AJAP1: variants seen among roughly 807,000 people sequenced by gnomAD.
AJAP1 encodes the protein adherens junction-associated protein 1.
A neutral mutation model predicts 35.0 loss-of-function variants in AJAP1; 5 were observed. The observed-to-expected ratio is 0.14, with a 90% CI of 0.07 to 0.30. AJAP1 has a LOEUF of 0.30. Among genes scored for constraint, AJAP1 ranks in the 10% least tolerant of loss-of-function variants. AJAP1 has a pLI of 1.00. For synonymous variants in AJAP1, 284 were observed against 249.3 expected, an observed-to-expected ratio of 1.14 and a Z score of -1.31; for missense variants, 586 against 571.0, an observed-to-expected ratio of 1.03 and a Z score of -0.27.
At chr1:4,666,699 CGGG>C (rs1179414125) in intron 1 of AJAP1, among the ~76,000 whole-genome samples, 1 of 54,636 alleles carries the variant, frequency 1.8e-5, no homozygotes, top group African/African-American at 8.7e-5. Flanking sequence ...CCAAGAATCG[CGGG>C]AGGGGTGCGG....
chr1:4,676,485 G>A (rs1639366189), intron 1 of AJAP1, among the ~76,000 whole-genome samples: 1 of 152,168 alleles, frequency 6.6e-6, no homozygotes, highest in South Asian at 2.1e-4. Context: ...GAAGCCACCT[G>A]CATTACCCCT....
intron 2 of AJAP1, among the ~76,000 whole-genome samples, chr1:4,713,334 G>A (rs1326167522): frequency 6.6e-6 from 1 of 152,238 alleles, no homozygotes; most frequent in Non-Finnish European, 1.5e-5. Context: ...CTGGGGATGT[G>A]TCAGGAGGGT....
intron 1 of AJAP1, among the ~76,000 whole-genome samples, chr1:4,667,555 A>G (rs951394578): frequency 3.3e-5 from 5 of 152,344 alleles, no homozygotes; most frequent in Non-Finnish European, 2.9e-5. Context: ...TAGATCCCTC[A>G]CATACATGGT....
At chr1:4,727,967 T>C (rs976685772) in intron 2 of AJAP1, among the ~76,000 whole-genome samples, 2 of 152,196 alleles carry the variant, frequency 1.3e-5, no homozygotes, top group African/African-American at 4.8e-5. Flanking sequence ...CCCCAGGTGG[T>C]ACACGGAGCC....
chr1:4,691,666 C>T (rs1033646721), intron 1 of AJAP1, among the ~76,000 whole-genome samples: 28 of 152,112 alleles, frequency 1.8e-4, no homozygotes, highest in African/African-American at 1.4e-4. Context: ...GCGACCCACC[C>T]GCTGACTCCA....
intron 2 of AJAP1, among the ~76,000 whole-genome samples, chr1:4,747,221 G>T (rs900669319): frequency 3.3e-5 from 5 of 152,148 alleles, no homozygotes; most frequent in Non-Finnish European, 2.9e-5. Flanking sequence ...CTCCAGGAGG[G>T]CTCTGTGCAT....
intron 1 of AJAP1, among the ~76,000 whole-genome samples, chr1:4,701,364 G>A (rs542863203): frequency 9.2e-5 from 14 of 152,324 alleles, no homozygotes; most frequent in South Asian, 2.1e-4. Flanking sequence ...CGCAGCTGGC[G>A]GGTTGCAGTG....
intron 1 of AJAP1, among the ~76,000 whole-genome samples, chr1:4,684,355 C>T (rs1639553731): frequency 6.6e-6 from 1 of 152,128 alleles, no homozygotes; most frequent in South Asian, 2.1e-4. Context: ...CACCTCCTGC[C>T]TGGGTCTAGG....
rs1570239975 is a variant in AJAP1, at chr1:4,784,642, C to G, written c.*2157C>G. On this transcript the variant is annotated 3_prime_UTR_variant, in exon 6 of 6. Transcript: ENST00000378191. Reference sequence around the variant, plus strand: ...TGAAAGGATTGTTTTTGTGATGCAGCAGTGTTGAGATCTGTATCCATGGTA... The same window carrying G: ...TGAAAGGATTGTTTTTGTGATGCAGGAGTGTTGAGATCTGTATCCATGGTA... 6.6e-6 allele frequency: 1 copy of G among 152,224 alleles called. No individual in the cohort carries two copies. The highest frequency in any genetic ancestry group is 1.5e-5 in the Non-Finnish European group (1 of 68,054). 9.4% of individuals were successfully genotyped at this position (152,224 alleles called of 1,614,324 possible). A position where few individuals can be genotyped will look rare whatever the true frequency, so the allele number is the denominator to read the frequency against.
At chr1:4,761,125 C>T (rs376957389) in intron 2 of AJAP1, among the ~76,000 whole-genome samples, 4 of 152,330 alleles carry the variant, frequency 2.6e-5, no homozygotes, top group East Asian at 3.9e-4. Context: ...GAGGGTAAAT[C>T]TCACTGCCAG....
chr1:4,772,571 G>C, intron 4 of AJAP1, 46 bp downstream of exon 4: 1 of 1,600,576 alleles, frequency 6.2e-7, no homozygotes, highest in South Asian at 1.1e-5. Flanking sequence ...AGCTCTTGGT[G>C]CTCCTGACCC....
At chr1:4,706,849 A>G (rs1427615497) in intron 1 of AJAP1, among the ~76,000 whole-genome samples, 1 of 152,238 alleles carries the variant, frequency 6.6e-6, no homozygotes. Flanking sequence ...AGATTTCAAT[A>G]AAAATTTAAA....
At chr1:4,662,237 G>A (rs1329013441) in intron 1 of AJAP1, among the ~76,000 whole-genome samples, 1 of 152,170 alleles carries the variant, frequency 6.6e-6, no homozygotes, top group African/African-American at 2.4e-5. Context: ...TTTGCTGTTT[G>A]TAGCAATCCC....
chr1:4,760,939 A>G (rs1432518925), intron 2 of AJAP1, among the ~76,000 whole-genome samples: 2 of 152,178 alleles, frequency 1.3e-5, no homozygotes, highest in East Asian at 1.9e-4. Flanking sequence ...CTAGATGTAC[A>G]TATTTGAGAT....
chr1:4,671,881 AC>A (rs1456357032), intron 1 of AJAP1, among the ~76,000 whole-genome samples: 27 of 152,146 alleles, frequency 1.8e-4, no homozygotes, highest in African/African-American at 6.3e-4. Flanking sequence ...TTAGCCAGGG[AC>A]CTGCTGTGTA....
intron 1 of AJAP1, among the ~76,000 whole-genome samples, chr1:4,670,216 G>A (rs956220082): frequency 6.6e-6 from 1 of 152,078 alleles, no homozygotes; most frequent in Non-Finnish European, 1.5e-5. Flanking sequence ...TCACAGCGCT[G>A]GGCCTGTGGC....
intron 1 of AJAP1, among the ~76,000 whole-genome samples, chr1:4,674,697 G>A (rs1639326011): frequency 6.6e-6 from 1 of 152,190 alleles, no homozygotes; most frequent in South Asian, 2.1e-4. Flanking sequence ...CTGGGCTCTG[G>A]TTCAGTGGGA....
At position 4,782,816 on chromosome 1, in the gene AJAP1, G is replaced by A. The variant is rs528327444; in HGVS notation, c.*331G>A. Reference sequence around the variant, plus strand: ...AGGCAGAGAGACGAGGATACCCAGCGAAAGGGACGGGAGGAAGCATCCGAA... The same window carrying A: ...AGGCAGAGAGACGAGGATACCCAGCAAAAGGGACGGGAGGAAGCATCCGAA... On this transcript the variant is annotated 3_prime_UTR_variant, in exon 6 of 6. Coordinates refer to ENST00000378191, the MANE Select transcript of AJAP1 (RefSeq NM_018836.4). This position sits in a 1 kb window ranked among gnomAD's most constrained non-coding sequence, Gnocchi z 5.3. 20 of 398,694 alleles carry A rather than the reference G, an allele frequency of 5.0e-5. No homozygotes were observed. The East Asian group carries it at 6.1e-4, about 12-fold the overall frequency. The allele number at this position is 398,694 out of a possible 1,614,324, so 24.7% of individuals were successfully genotyped here.
At chr1:4,725,907 A>G (rs886209203) in intron 2 of AJAP1, among the ~76,000 whole-genome samples, 16 of 152,262 alleles carry the variant, frequency 1.1e-4, no homozygotes, top group African/African-American at 1.9e-4. Flanking sequence ...TTTAACTTTA[A>G]TTACTTCTTT....
Sources: allele counts gnomAD v4.1 joint callset (sites outside exome capture counted in the v4.1 genomes callset), GRCh38; gene constraint gnomAD v4.1.1; non-coding constraint Gnocchi (gnomAD v3.1); transcripts MANE v1.5; gene names NCBI Gene and HGNC (gene_info 2026-07-23, HGNC 2026-07-21).